The following HEATR4 variants were observed in gnomAD, a reference collection of about 807,000 sequenced individuals.
The protein encoded by HEATR4 is HEAT repeat containing 4, also known as HEAT repeat-containing protein 4.
Under a neutral mutation model 108.8 loss-of-function variants are expected in HEATR4, and 95 were observed. The ratio of observed to expected loss-of-function variants is 0.87; its 90% CI spans 0.74 to 1.04. HEATR4 has a LOEUF of 1.04. Ranked by LOEUF, HEATR4 falls within the 50% of genes least tolerant of loss-of-function variation. The pLI is 0.00. For missense variants in HEATR4, 1,152 were observed against 1,253.8 expected (o/e 0.92, Z 1.23); for synonymous variants, 443 against 459.4 (o/e 0.96, Z 0.46).
chr14:73,523,008 C>A lies in HEATR4; in HGVS notation c.145G>T (p.Val49Phe), dbSNP rs1221529534. ...AGACGGTACTGTGAGCTGAAGAAGA[C>A]CATAGGCACACTGGAGACAGAGGCA... Reference protein sequence around the residue: ...ECASVSSVPMVFFSSQYRLHR... With the variant: ...ECASVSSVPMFFFSSQYRLHR... The change falls in exon 3 of 18, where the codon GTC (valine) becomes TTC (phenylalanine). Residue 49 changes from valine to phenylalanine, a missense_variant. By Grantham distance (50) the Val-to-Phe change is conservative (BLOSUM62 -1). Coordinates refer to ENST00000553558, the MANE Select transcript of HEATR4 (RefSeq NM_001220484.1). 2 of 1,614,024 alleles carry A rather than the reference C, an allele frequency of 1.2e-6. No individual in the cohort carries two copies. The highest frequency in any genetic ancestry group is 1.7e-5 in the Admixed American group (1 of 60,004).
the HEATR4 span, among the ~76,000 whole-genome samples, chr14:73,632,300 T>C: frequency 6.6e-6 from 1 of 152,062 alleles, no homozygotes; most frequent in Non-Finnish European, 1.5e-5. Flanking sequence ...AAATTACATA[T>C]ATCAATACTT....
At chr14:73,620,500 G>A in the HEATR4 span, among the ~76,000 whole-genome samples, 1 of 152,016 alleles carries the variant, frequency 6.6e-6, no homozygotes, top group Non-Finnish European at 1.5e-5. Flanking sequence ...ATCCCCTTTG[G>A]CCCTAACTGA....
At chr14:73,592,617 C>T in the HEATR4 span, among the ~76,000 whole-genome samples, 4 of 152,184 alleles carry the variant, frequency 2.6e-5, no homozygotes, top group Non-Finnish European at 4.4e-5. Flanking sequence ...CTTTGGGAGG[C>T]CGAGATGGGC....
chr14:73,589,603 G>A, the HEATR4 span, among the ~76,000 whole-genome samples: 1 of 152,138 alleles, frequency 6.6e-6, no homozygotes, highest in Non-Finnish European at 1.5e-5. Flanking sequence ...ACAAGTGTGT[G>A]CCCCTGTGCC....
At chr14:73,619,912 CTTTT>C in the HEATR4 span, 11 of 1,315,704 alleles carry the variant, frequency 8.4e-6, no homozygotes, top group African/African-American at 1.4e-4. Flanking sequence ...TTCTTTCTTT[CTTTT>C]CTCTTTTTTT....
chr14:73,625,056 A>T, the HEATR4 span, among the ~76,000 whole-genome samples: 1 of 151,278 alleles, frequency 6.6e-6, no homozygotes, highest in Non-Finnish European at 1.5e-5. Flanking sequence ...TCATTATTTT[A>T]TTTATTTATT....
intron 7 of HEATR4, among the ~76,000 whole-genome samples, chr14:73,511,415 A>T (rs1323753385): frequency 6.6e-6 from 1 of 151,838 alleles, no homozygotes; most frequent in Non-Finnish European, 1.5e-5. Flanking sequence ...GCTACTCGGG[A>T]GACTAGGGCA....
At chr14:73,498,112 G>A in intron 14 of HEATR4, 43 bp downstream of exon 14, 3 of 1,530,092 alleles carry the variant, frequency 2.0e-6, no homozygotes, top group South Asian at 1.2e-5. Flanking sequence ...TGTGAGAGTT[G>A]GCAGTATAAG....
At position 73,544,405 on chromosome 14, in the gene HEATR4, ATC is replaced by A. The variant is rs376344406; in HGVS notation, c.-151-14163_-151-14162del. On this transcript the variant is annotated intron_variant, in intron 1 of 17. Coordinates refer to ENST00000553558, the MANE Select transcript of HEATR4 (RefSeq NM_001220484.1). ...TTCTCCTTTAAGAATGGAAGTTAACATCTTGCCTATAAACTGATTACTAGTTA... is the reference window on the plus strand; with the variant it reads ...TTCTCCTTTAAGAATGGAAGTTAACATTGCCTATAAACTGATTACTAGTTA... Among the ~76,000 whole-genome samples the A allele has an allele frequency of 5.2e-5, 6 of 116,378 alleles. 2 individuals carry two copies. Among genetic ancestry groups the A allele is most frequent in the African/African-American group, 1.7e-4 (6 of 35,918 alleles). The allele number at this position is 116,378 out of a possible 152,430, so 76.3% of individuals were successfully genotyped here. A position where few individuals can be genotyped will look rare whatever the true frequency, so the allele number is the denominator to read the frequency against.
At position 73,493,086 on chromosome 14, in the gene HEATR4, C is replaced by T. The variant is rs368459350; in HGVS notation, c.2824G>A (p.Asp942Asn). The change falls in exon 17 of 18, where the codon GAC becomes AAC. Residue 942 changes from aspartate (D) to asparagine (N), a missense_variant. Coordinates refer to ENST00000553558, the MANE Select transcript of HEATR4 (RefSeq NM_001220484.1). Reference protein sequence around the residue: ...VLPRRPSEVCDTEAVIKPVKP... With the variant: ...VLPRRPSEVCNTEAVIKPVKP... ...TTTACCTTTATCACTGCTTCAGTGT[C>T]ACAAACCTCGGAAGGTCTTCTAGGA... 1.3e-5 allele frequency: 21 copies of T among 1,610,446 alleles called. No individual in the cohort carries two copies. Among genetic ancestry groups the T allele is most frequent in the Middle Eastern group, 1.6e-4 (1 of 6,080 alleles).
chr14:73,592,042 C>A, the HEATR4 span: 1 of 1,461,594 alleles, frequency 6.8e-7, no homozygotes, highest in Admixed American at 2.8e-5. Flanking sequence ...GGCCTGGCCC[C>A]GGAGCAGCGG....
the HEATR4 span, among the ~76,000 whole-genome samples, chr14:73,601,951 A>AT: frequency 6.8e-6 from 1 of 147,348 alleles, no homozygotes; most frequent in Non-Finnish European, 1.5e-5. Flanking sequence ...ATCTTATTTC[A>AT]TTTTTTTGAG....
At chr14:73,586,534 G>A in the HEATR4 span, among the ~76,000 whole-genome samples, 1 of 151,758 alleles carries the variant, frequency 6.6e-6, no homozygotes, top group Non-Finnish European at 1.5e-5. Flanking sequence ...GTAAAACCCC[G>A]CCTCTACTAA....
chr14:73,567,521 TA>T, the HEATR4 span: 1 of 151,874 alleles, frequency 6.6e-6, no homozygotes, highest in African/African-American at 2.4e-5. Context: ...CAGCACTCTG[TA>T]AAATGGAAAA....
At chr14:73,598,230 A>C in the HEATR4 span, among the ~76,000 whole-genome samples, 376 of 147,716 alleles carry the variant, frequency 2.5e-3, 1 homozygote, top group Non-Finnish European at 4.2e-3. Context: ...AAAAAAAAAA[A>C]AAAAAAAAAC....
At chr14:73,550,664 A>G (rs7159228) in intron 1 of HEATR4, among the ~76,000 whole-genome samples, 60,442 of 109,190 alleles carry the variant, frequency 0.55, 24,312 homozygotes, top group African/African-American at 0.74. Flanking sequence ...TCTCTCTCAC[A>G]GTATACAGTC....
intron 17 of HEATR4, among the ~76,000 whole-genome samples, chr14:73,481,799 C>T (rs922823613): frequency 5.9e-5 from 9 of 151,826 alleles, no homozygotes; most frequent in Non-Finnish European, 8.8e-5. Flanking sequence ...GAGCCAAGAT[C>T]GTGCCACTGC....
At chr14:73,570,976 C>T in the HEATR4 span, among the ~76,000 whole-genome samples, 588 of 74,332 alleles carry the variant, frequency 7.9e-3, 6 homozygotes, top group Middle Eastern at 0.026. Flanking sequence ...TAGGAAGCCA[C>T]TTTTTTTTTT....
chr14:73,590,562 A>C, the HEATR4 span, among the ~76,000 whole-genome samples: 1 of 152,196 alleles, frequency 6.6e-6, no homozygotes, highest in Non-Finnish European at 1.5e-5. Flanking sequence ...CGGACCGCGC[A>C]GAAGCTCACG....
Sources: allele counts gnomAD v4.1 joint callset (sites outside exome capture counted in the v4.1 genomes callset), GRCh38; gene constraint gnomAD v4.1.1; transcripts MANE v1.5; gene names NCBI Gene and HGNC (gene_info 2026-07-23, HGNC 2026-07-21).